ZNF536: variants seen among roughly 807,000 people sequenced by gnomAD.
ZNF536 encodes the protein zinc finger protein 536.
Under a neutral mutation model 84.5 loss-of-function variants are expected in ZNF536, and 13 were observed. The observed-to-expected ratio is 0.15, with a 90% CI of 0.10 to 0.24. The LOEUF (loss-of-function observed/expected upper bound fraction) is 0.24, where lower values mean the gene tolerates loss of function less well. Ranked by LOEUF, ZNF536 falls within the 10% of genes least tolerant of loss-of-function variation. The probability of loss-of-function intolerance (pLI) is 1.00; values close to 1 mark genes in which losing one functional copy is unlikely to be tolerated. For synonymous variants in ZNF536, 811 were observed against 742.5 expected (o/e 1.09, Z -1.50); for missense variants, 1,536 against 1,747.5 (o/e 0.88, Z 2.16).
chr19:30,628,685 T>C (rs2048779587), intron 1 of ZNF536, among the ~76,000 whole-genome samples: 1 of 151,866 alleles, frequency 6.6e-6, no homozygotes, highest in East Asian at 1.9e-4. Flanking sequence ...CACCTTGGCC[T>C]CCCTTTATTT....
At chr19:30,373,237 C>G (rs1454645424) in intron 1 of ZNF536, among the ~76,000 whole-genome samples, 1 of 152,120 alleles carries the variant, frequency 6.6e-6, no homozygotes, top group African/African-American at 2.4e-5. Flanking sequence ...CGGAACTCTT[C>G]CCCACTGGCC....
chr19:30,600,505 T>C (rs1740675992), intron 1 of ZNF536, among the ~76,000 whole-genome samples: 1 of 152,180 alleles, frequency 6.6e-6, no homozygotes, highest in Non-Finnish European at 1.5e-5. Flanking sequence ...GTTTCATGAA[T>C]GTATCTATAT....
chr19:30,243,050 T>C (rs2144902069), intron 1 of ZNF536, among the ~76,000 whole-genome samples: 1 of 152,308 alleles, frequency 6.6e-6, no homozygotes, highest in East Asian at 1.9e-4. Flanking sequence ...AGAAAAATTA[T>C]GGAAACAAAT....
At chr19:30,570,472 G>A (rs1012610605) in intron 1 of ZNF536, among the ~76,000 whole-genome samples, 5 of 152,232 alleles carry the variant, frequency 3.3e-5, no homozygotes, top group African/African-American at 9.6e-5. Flanking sequence ...TATTGTGCAC[G>A]TAGATATTAC....
At chr19:30,543,244 G>A (rs1314183037) in intron 3 of ZNF536, among the ~76,000 whole-genome samples, 4 of 152,186 alleles carry the variant, frequency 2.6e-5, no homozygotes, top group African/African-American at 9.7e-5. Flanking sequence ...GCAAGTGTGT[G>A]GCACATATAA....
At chr19:30,364,202 C>T (rs946640639) in intron 3 of ZNF536, among the ~76,000 whole-genome samples, 3 of 152,092 alleles carry the variant, frequency 2.0e-5, no homozygotes, top group East Asian at 3.8e-4. Flanking sequence ...ATTTGCTGAA[C>T]TGACACAGGG....
chr19:30,604,258 C>T (rs2079547961), intron 1 of ZNF536, among the ~76,000 whole-genome samples: 1 of 151,608 alleles, frequency 6.6e-6, no homozygotes, highest in African/African-American at 2.4e-5. Context: ...TGGATGGCTG[C>T]CAGTAATATG....
chr19:30,473,164 T>C (rs564464085), intron 2 of ZNF536, among the ~76,000 whole-genome samples: 9 of 151,924 alleles, frequency 5.9e-5, no homozygotes, highest in African/African-American at 2.2e-4. Context: ...CAAGATCATG[T>C]CACTGCACTC....
intron 1 of ZNF536, among the ~76,000 whole-genome samples, chr19:30,580,353 G>T (rs2046877870): frequency 6.6e-6 from 1 of 152,194 alleles, no homozygotes; most frequent in South Asian, 2.1e-4. Flanking sequence ...TGCTCCTCCT[G>T]CCCTTGATGG....
intron 2 of ZNF536, among the ~76,000 whole-genome samples, chr19:30,341,114 T>A (rs915625426): frequency 6.6e-6 from 1 of 152,222 alleles, no homozygotes; most frequent in Non-Finnish European, 1.5e-5. Context: ...AGCTTTACAT[T>A]TTTGTTTAGT....
At chr19:30,345,691 CAG>C (rs950405108) in intron 2 of ZNF536, among the ~76,000 whole-genome samples, 4 of 152,194 alleles carry the variant, frequency 2.6e-5, no homozygotes, top group Non-Finnish European at 4.4e-5. Context: ...TCATTGAAGG[CAG>C]AGAGTCTCGG....
intron 1 of ZNF536, among the ~76,000 whole-genome samples, chr19:30,249,521 G>A (rs1054143398): frequency 6.6e-6 from 1 of 152,054 alleles, no homozygotes; most frequent in Non-Finnish European, 1.5e-5. Flanking sequence ...AATATCTGGG[G>A]CTCAGAGCAC....
At chr19:30,487,417 C>T (rs116176989) in intron 2 of ZNF536, among the ~76,000 whole-genome samples, 1,842 of 152,040 alleles carry the variant, frequency 0.012, 37 homozygotes, top group African/African-American at 0.042. Context: ...GACCAGGGGC[C>T]GGGCCATGTG....
At chr19:30,257,544 G>A (rs1274849878) in intron 1 of ZNF536, among the ~76,000 whole-genome samples, 1 of 152,206 alleles carries the variant, frequency 6.6e-6, no homozygotes, top group African/African-American at 2.4e-5. Flanking sequence ...TGAAAGATCA[G>A]GAAGAGAGTA....
chr19:30,530,951 G>A (rs531889210), intron 2 of ZNF536, among the ~76,000 whole-genome samples: 1 of 152,304 alleles, frequency 6.6e-6, no homozygotes, highest in African/African-American at 2.4e-5. Flanking sequence ...TGGGGCTCAC[G>A]CACAGTGCCC....
chr19:30,594,448 G>A (rs1001337999), intron 1 of ZNF536, among the ~76,000 whole-genome samples: 10 of 152,110 alleles, frequency 6.6e-5, no homozygotes, highest in Admixed American at 2.0e-4. Flanking sequence ...CCTGCTCCCC[G>A]TGTGAAAGTG....
chr19:30,575,993 T>C (rs1394354508), intron 1 of ZNF536, among the ~76,000 whole-genome samples: 1 of 152,184 alleles, frequency 6.6e-6, no homozygotes, highest in Non-Finnish European at 1.5e-5. Flanking sequence ...ATGCAGTCCC[T>C]TAAGGCCTAC....
At chr19:30,647,966 A>G (rs545906820) in intron 1 of ZNF536, among the ~76,000 whole-genome samples, 3 of 152,274 alleles carry the variant, frequency 2.0e-5, no homozygotes, top group Admixed American at 2.0e-4. Flanking sequence ...TCTCATATGA[A>G]GTCAGCTTCA....
intron 1 of ZNF536, among the ~76,000 whole-genome samples, chr19:30,633,303 T>C (rs528993654): frequency 6.6e-6 from 1 of 152,348 alleles, no homozygotes; most frequent in South Asian, 2.1e-4. Flanking sequence ...CAAATTCTAG[T>C]TTTATATAAT....
Sources: gnomAD v4.1 joint callset for allele counts (sites outside exome capture counted in the v4.1 genomes callset) on GRCh38, gnomAD v4.1.1 for gene constraint, MANE v1.5 for transcripts, NCBI Gene and HGNC (gene_info 2026-07-23, HGNC 2026-07-21) for gene names.